Variants in SLC35F3 observed in about 807,000 individuals in gnomAD.
SLC35F3 encodes the protein solute carrier family 35 member F3.
A neutral mutation model predicts 49.9 loss-of-function variants in SLC35F3; 25 were observed. The observed-to-expected ratio is 0.50, with a 90% CI of 0.37 to 0.70. The LOEUF is 0.70. SLC35F3 is among the 30% of genes least tolerant of loss of function. The pLI is 0.00. For missense variants in SLC35F3, 525 were observed against 639.8 expected (o/e 0.82, Z 1.94); for synonymous variants, 275 against 265.4 (o/e 1.04, Z -0.35).
intron 2 of SLC35F3, among the ~76,000 whole-genome samples, chr1:234,015,069 G>A (rs1212503810): frequency 6.6e-6 from 1 of 152,170 alleles, no homozygotes. Flanking sequence ...TGGCTAGCTG[G>A]GTACAGTGGC....
intron 2 of SLC35F3, among the ~76,000 whole-genome samples, chr1:234,197,757 A>C (rs898843670): frequency 4.6e-5 from 7 of 152,374 alleles, no homozygotes; most frequent in South Asian, 2.1e-4. Context: ...GAGATGCTAG[A>C]ATCTTCATTG....
chr1:233,985,922 T>C (rs1403898585), intron 2 of SLC35F3, among the ~76,000 whole-genome samples: 1 of 152,202 alleles, frequency 6.6e-6, no homozygotes, highest in Non-Finnish European at 1.5e-5. Flanking sequence ...TCTTCCTTTG[T>C]AGTATAACAG....
chr1:234,212,163 CCT>C (rs1667054701), intron 2 of SLC35F3, among the ~76,000 whole-genome samples: 1 of 152,222 alleles, frequency 6.6e-6, no homozygotes, highest in East Asian at 1.9e-4. Flanking sequence ...GTCCATTAAA[CCT>C]CTTTTTCTTC....
intron 2 of SLC35F3, among the ~76,000 whole-genome samples, chr1:234,150,226 C>T (rs975836245): frequency 6.6e-6 from 1 of 152,220 alleles, no homozygotes; most frequent in Non-Finnish European, 1.5e-5. Context: ...CTTGCTGAGG[C>T]AGAATATGTA....
In SLC35F3 at chr1:234,320,534, C is replaced by G. The variant is rs376990655; in HGVS notation, c.1237+347C>G. 6.6e-6 allele frequency among the ~76,000 whole-genome samples: 1 copy of G among 152,056 alleles called. No homozygotes were observed. The highest frequency in any genetic ancestry group is 1.9e-4 in the East Asian group (1 of 5,194). ...TCTTGATTCTAACTGGTATGGGGAG[C>G]AGAATGAATCTCATCAGCATTATTA... On this transcript the variant is annotated intron_variant, in intron 7 of 7. Transcript: ENST00000366618. The surrounding 1 kb of genome is among the most constrained non-coding windows in gnomAD (Gnocchi z 4.8).
chr1:234,273,678 A>G (rs1668147453), intron 3 of SLC35F3, among the ~76,000 whole-genome samples: 1 of 152,224 alleles, frequency 6.6e-6, no homozygotes, highest in Admixed American at 6.5e-5. Context: ...AAGGATTGCT[A>G]CAATTCATCA....
intron 2 of SLC35F3, among the ~76,000 whole-genome samples, chr1:233,948,364 A>T (rs1333088919): frequency 2.0e-5 from 3 of 151,776 alleles, no homozygotes; most frequent in African/African-American, 7.3e-5. Flanking sequence ...CCCATCTTTG[A>T]TCTTGCTGGG....
At chr1:233,956,934 T>C (rs1427821890) in intron 2 of SLC35F3, among the ~76,000 whole-genome samples, 5 of 152,052 alleles carry the variant, frequency 3.3e-5, no homozygotes, top group Non-Finnish European at 5.9e-5. Flanking sequence ...AGGATAGGGG[T>C]AGAGGCCAAA....
At chr1:234,316,852 C>A (rs1657501465) in intron 5 of SLC35F3, 125 bp downstream of exon 5, 2 of 1,229,300 alleles carry the variant, frequency 1.6e-6, no homozygotes, top group Admixed American at 2.5e-5. Flanking sequence ...GGACAGGCAG[C>A]TCTAGATAGC....
At position 233,933,035 on chromosome 1, in the gene SLC35F3, T is replaced by TAAAAAAA. The variant is rs59669736; in HGVS notation, c.283+27290_283+27296dup. Among the ~76,000 whole-genome samples the TAAAAAAA allele has an allele frequency of 2.4e-3, 320 of 134,916 alleles. 2 individuals are homozygous for TAAAAAAA. Among genetic ancestry groups the TAAAAAAA allele is most frequent in the African/African-American group, 3.8e-3 (139 of 36,202 alleles). 88.5% of individuals were successfully genotyped at this position (134,916 alleles called of 152,430 possible). A position where few individuals can be genotyped will look rare whatever the true frequency, so the allele number is the denominator to read the frequency against. On this transcript the variant is annotated intron_variant, in intron 2 of 7. Transcript: ENST00000366618. ...AAACCACAGTTTTGGGCTATTTAAG[T>TAAAAAAA]AAAAAAAAAAAAAAAAAAACTATGA...
chr1:234,108,516 ATATATTATT>A (rs1185485171), intron 2 of SLC35F3, among the ~76,000 whole-genome samples: 2 of 111,170 alleles, frequency 1.8e-5, no homozygotes, highest in South Asian at 3.0e-4. Context: ...TATAAATGAT[ATATATTATT>A]TATATATAAA....
At chr1:234,009,027 G>A (rs1372568202) in intron 2 of SLC35F3, among the ~76,000 whole-genome samples, 2 of 152,056 alleles carry the variant, frequency 1.3e-5, no homozygotes, top group East Asian at 1.9e-4. Flanking sequence ...ACTCTAAAAG[G>A]CAAAGTTTGT....
intron 2 of SLC35F3, among the ~76,000 whole-genome samples, chr1:234,138,865 A>G (rs1179166808): frequency 6.6e-6 from 1 of 152,130 alleles, no homozygotes; most frequent in Non-Finnish European, 1.5e-5. Flanking sequence ...GTTGCTTTGG[A>G]AGAAAGAATA....
At chr1:233,979,502 G>C (rs182878194) in intron 2 of SLC35F3, among the ~76,000 whole-genome samples, 3 of 152,320 alleles carry the variant, frequency 2.0e-5, no homozygotes, top group Non-Finnish European at 2.9e-5. Flanking sequence ...ACAGCAGTAG[G>C]CTCATTCATC....
At chr1:233,950,686 A>C (rs532297674) in intron 2 of SLC35F3, among the ~76,000 whole-genome samples, 1 of 152,086 alleles carries the variant, frequency 6.6e-6, no homozygotes, top group Non-Finnish European at 1.5e-5. Context: ...CAAATCAGAG[A>C]GACTAGGAAA....
chr1:234,227,552 C>T (rs1667306238), intron 2 of SLC35F3, among the ~76,000 whole-genome samples: 1 of 152,058 alleles, frequency 6.6e-6, no homozygotes, highest in Admixed American at 6.5e-5. Flanking sequence ...GTGCCCACCA[C>T]CACGCCCGGC....
At chr1:233,983,288 A>G (rs982825293) in intron 2 of SLC35F3, among the ~76,000 whole-genome samples, 1 of 152,314 alleles carries the variant, frequency 6.6e-6, no homozygotes, top group Non-Finnish European at 1.5e-5. Context: ...AAGAAGGACT[A>G]TTTGTTTCCT....
rs912723847 is a variant in SLC35F3, at chr1:234,141,238, T to C, written c.284-90179T>C. ...TAAAACTTGGGATAATTAGGGAGTTTTATAAGCTAATGAGTCATGTCCTTT... is the reference window on the plus strand; with the variant it reads ...TAAAACTTGGGATAATTAGGGAGTTCTATAAGCTAATGAGTCATGTCCTTT... On this transcript the variant is annotated intron_variant, in intron 2 of 7. Coordinates refer to ENST00000366618, the MANE Select transcript of SLC35F3 (RefSeq NM_173508.4). 8.5e-5 allele frequency among the ~76,000 whole-genome samples: 13 copies of C among 152,320 alleles called. 1 individual carries two copies. In the South Asian group the frequency reaches 2.7e-3, roughly 32 times the overall value.
At chr1:233,911,630 G>A (rs937692930) in intron 2 of SLC35F3, among the ~76,000 whole-genome samples, 4 of 152,160 alleles carry the variant, frequency 2.6e-5, no homozygotes, top group African/African-American at 7.2e-5. Flanking sequence ...CATCTGCCAT[G>A]GGGTTAGAAA....
Sources: gnomAD v4.1 joint callset for allele counts (sites outside exome capture counted in the v4.1 genomes callset) on GRCh38, gnomAD v4.1.1 for gene constraint, Gnocchi (gnomAD v3.1) non-coding constraint, MANE v1.5 for transcripts, NCBI Gene and HGNC (gene_info 2026-07-23, HGNC 2026-07-21) for gene names.